DPYS: variants seen among roughly 807,000 people sequenced by gnomAD.
DPYS encodes the protein dihydropyrimidine amidohydrolase.
Under a neutral mutation model 50.3 loss-of-function variants are expected in DPYS, and 39 were observed. The observed-to-expected ratio is 0.78, with a 90% CI of 0.60 to 1.01. The LOEUF (loss-of-function observed/expected upper bound fraction) is 1.01, where lower values mean the gene tolerates loss of function less well. DPYS is among the 50% of genes least tolerant of loss of function. The probability of loss-of-function intolerance (pLI) is 0.00; values close to 1 mark genes in which losing one functional copy is unlikely to be tolerated. For missense variants in DPYS, 659 were observed against 680.9 expected, an observed-to-expected ratio of 0.97 and a Z score of 0.36; for synonymous variants, 245 against 250.7, an observed-to-expected ratio of 0.98 and a Z score of 0.22.
chr8:104,425,773 T>C (rs949857481), intron 6 of DPYS, among the ~76,000 whole-genome samples: 5 of 152,134 alleles, frequency 3.3e-5, no homozygotes, highest in Non-Finnish European at 7.3e-5. Context: ...AAAATAAAAT[T>C]GGAAAGTGTT....
intron 7 of DPYS, among the ~76,000 whole-genome samples, chr8:104,410,630 C>T (rs1233593109): frequency 1.3e-5 from 2 of 152,140 alleles, no homozygotes; most frequent in African/African-American, 2.4e-5. Flanking sequence ...ACACCATTTT[C>T]TACTGGTGCC....
intron 4 of DPYS, among the ~76,000 whole-genome samples, chr8:104,436,892 T>A (rs1394076755): frequency 6.6e-6 from 1 of 151,604 alleles, no homozygotes; most frequent in Non-Finnish European, 1.5e-5. Context: ...AAGTAATGCA[T>A]CTATTGAAAG....
chr8:104,428,318 A>C (rs60181853), intron 5 of DPYS, among the ~76,000 whole-genome samples, 197 bp from the exon 6 acceptor site: 2,195 of 152,284 alleles, frequency 0.014, 47 homozygotes, highest in African/African-American at 0.05. Flanking sequence ...CAGAGGACAC[A>C]CTGATCGGAA....
intron 4 of DPYS, among the ~76,000 whole-genome samples, chr8:104,436,221 TC>T (rs1397240278): frequency 2.6e-5 from 4 of 152,126 alleles, no homozygotes; most frequent in African/African-American, 9.7e-5. Context: ...AACTGAACTG[TC>T]CCGTCAACAT....
At chr8:104,449,948 C>T (rs943989173) in intron 2 of DPYS, among the ~76,000 whole-genome samples, 11 of 152,092 alleles carry the variant, frequency 7.2e-5, no homozygotes, top group African/African-American at 2.4e-4. Context: ...TTACAGCAGC[C>T]CTAGCAAACG....
At chr8:104,460,486 A>G (rs1055281322) in intron 1 of DPYS, among the ~76,000 whole-genome samples, 1 of 152,128 alleles carries the variant, frequency 6.6e-6, no homozygotes, top group Non-Finnish European at 1.5e-5. Context: ...AGCCTGTGAA[A>G]CTGTGAGTCA....
chr8:104,465,542 G>A (rs911929368), intron 1 of DPYS, among the ~76,000 whole-genome samples: 2 of 152,186 alleles, frequency 1.3e-5, no homozygotes, highest in Non-Finnish European at 1.5e-5. Flanking sequence ...TTTACTCTAT[G>A]TTCCTGTAAA....
rs1198629969 is a variant in DPYS, at chr8:104,429,660, T to C, written c.835A>G (p.Thr279Ala). 6.2e-7 allele frequency: 1 copy of C among 1,614,162 alleles called. No individual in the cohort carries two copies. The highest frequency in any genetic ancestry group is 2.2e-5 in the East Asian group (1 of 44,872). The change falls in exon 5 of 10, where the codon ACA becomes GCA. Residue 279 changes from threonine (T) to alanine (A), a missense_variant. Physicochemically the swap from Thr to Ala is moderately conservative, Grantham distance 58 (BLOSUM62 0). Transcript: ENST00000351513. ...TTATTCCAGTAGTGAGTGCCATCTG[T>C]GCCAAGACTGGCTGCTATGGGTTCA... The part of the protein sequence containing the change: ...YGEPIAASLG[T>A]DGTHYWNKEW...
chr8:104,433,623 G>A (rs1055579305), intron 4 of DPYS, among the ~76,000 whole-genome samples: 3 of 151,988 alleles, frequency 2.0e-5, no homozygotes, highest in Non-Finnish European at 4.4e-5. Flanking sequence ...AACAGAACGC[G>A]ACTCTTTTTC....
intron 8 of DPYS, among the ~76,000 whole-genome samples, chr8:104,390,887 G>A (rs1441165222): frequency 6.6e-6 from 1 of 152,110 alleles, no homozygotes; most frequent in Non-Finnish European, 1.5e-5. Flanking sequence ...CTTGCATTCA[G>A]TAAGCACTCA....
intron 1 of DPYS, among the ~76,000 whole-genome samples, chr8:104,464,486 T>C (rs1284812568): frequency 2.6e-5 from 4 of 152,236 alleles, no homozygotes; most frequent in Non-Finnish European, 2.9e-5. Flanking sequence ...GGGAGAATGA[T>C]GCTAGTGGGC....
chr8:104,383,713 T>C (rs1811127601), intron 8 of DPYS, among the ~76,000 whole-genome samples: 3 of 152,020 alleles, frequency 2.0e-5, no homozygotes, highest in African/African-American at 7.2e-5. Flanking sequence ...ACGATTCTCA[T>C]ATCTCAGCCG....
At chr8:104,413,716 T>C (rs1189197925) in intron 7 of DPYS, among the ~76,000 whole-genome samples, 3 of 152,200 alleles carry the variant, frequency 2.0e-5, no homozygotes, top group African/African-American at 7.2e-5. Flanking sequence ...ACAATTACTG[T>C]TTTGGATGTA....
intron 7 of DPYS, among the ~76,000 whole-genome samples, chr8:104,394,804 GA>G: frequency 6.8e-6 from 1 of 147,936 alleles, no homozygotes; most frequent in East Asian, 2.0e-4. Flanking sequence ...AGCTGCCATG[GA>G]AAAGAGAAAG....
intron 7 of DPYS, among the ~76,000 whole-genome samples, chr8:104,404,867 G>A (rs1811940943): frequency 6.6e-6 from 1 of 152,238 alleles, no homozygotes; most frequent in African/African-American, 2.4e-5. Context: ...AAGCCAAAAA[G>A]AAAGTACTAT....
intron 1 of DPYS, among the ~76,000 whole-genome samples, chr8:104,465,266 A>C (rs1814321181): frequency 1.6e-5 from 2 of 126,202 alleles, no homozygotes; most frequent in African/African-American, 6.2e-5. Flanking sequence ...AGAAAGAAAG[A>C]GAGGGGTGGA....
intron 8 of DPYS, among the ~76,000 whole-genome samples, chr8:104,384,256 A>C (rs1044001654): frequency 2.0e-5 from 3 of 152,236 alleles, no homozygotes; most frequent in Non-Finnish European, 4.4e-5. Context: ...TCTACTCTCA[A>C]GCCTCTCAGC....
intron 5 of DPYS, among the ~76,000 whole-genome samples, chr8:104,428,865 C>T (rs150846664): frequency 0.018 from 2,668 of 150,656 alleles, 77 homozygotes; most frequent in African/African-American, 0.062. Context: ...GAGTCTTGCT[C>T]TGTCACTCAG....
At chr8:104,458,180 C>G (rs1490877569) in intron 1 of DPYS, among the ~76,000 whole-genome samples, 1 of 152,200 alleles carries the variant, frequency 6.6e-6, no homozygotes, top group Non-Finnish European at 1.5e-5. Context: ...GGTATACCTA[C>G]TATATGTCTG....
Sources: gnomAD v4.1 joint callset for allele counts (sites outside exome capture counted in the v4.1 genomes callset) on GRCh38, gnomAD v4.1.1 for gene constraint, MANE v1.5 for transcripts, NCBI Gene and HGNC (gene_info 2026-07-23, HGNC 2026-07-21) for gene names.